The following CDH12 variants were observed in gnomAD, a reference collection of about 807,000 sequenced individuals.
CDH12 encodes the protein cadherin-12.
A neutral mutation model predicts 74.1 loss-of-function variants in CDH12; 41 were observed. That is an observed-to-expected ratio of 0.55 (90% confidence interval 0.43 to 0.72). CDH12 has a LOEUF of 0.72. Among genes scored for constraint, CDH12 ranks in the 30% least tolerant of loss-of-function variants. CDH12 has a pLI of 0.00. For synonymous variants in CDH12, 399 were observed against 355.0 expected (o/e 1.12, Z -1.39); for missense variants, 945 against 977.2 (o/e 0.97, Z 0.44).
At chr5:21,971,717 T>C (rs1346769151) in intron 6 of CDH12, among the ~76,000 whole-genome samples, 1 of 152,168 alleles carries the variant, frequency 6.6e-6, no homozygotes, top group Admixed American at 6.5e-5. Context: ...TAATTTATTG[T>C]TGCTCTAGTG....
chr5:22,461,303 C>A (rs1219538850), intron 2 of CDH12, among the ~76,000 whole-genome samples: 1 of 151,786 alleles, frequency 6.6e-6, no homozygotes, highest in Non-Finnish European at 1.5e-5. Context: ...GGATTGCAGG[C>A]CTGAGGCACC....
At chr5:22,545,614 G>C (rs16896730) in intron 1 of CDH12, among the ~76,000 whole-genome samples, 24,743 of 152,054 alleles carry the variant, frequency 0.16, 2,597 homozygotes, top group East Asian at 0.37. Flanking sequence ...GTAAGCCTAC[G>C]ATCAAAATAA....
chr5:21,833,135 A>C (rs1308700871), intron 8 of CDH12, among the ~76,000 whole-genome samples: 2 of 27,730 alleles, frequency 7.2e-5, no homozygotes, highest in Non-Finnish European at 1.0e-4. Context: ...TTATATTATA[A>C]ATATATATTA....
chr5:22,647,620 A>G (rs1424444249), intron 1 of CDH12, among the ~76,000 whole-genome samples: 1 of 151,692 alleles, frequency 6.6e-6, no homozygotes, highest in African/African-American at 2.4e-5. Flanking sequence ...TTGATCTCAT[A>G]GAATTAGTTT....
chr5:22,403,741 G>A lies in CDH12; in HGVS notation c.-333+1516C>T, dbSNP rs183128694. On this transcript the variant is annotated intron_variant, in intron 3 of 14. Transcript: ENST00000382254. ...CCATTTTCAGCTTTATGAGGTTTTCGGTGCTAGTATAAAATAAGAAACTGA... is the reference window on the plus strand; with the variant it reads ...CCATTTTCAGCTTTATGAGGTTTTCAGTGCTAGTATAAAATAAGAAACTGA... 7.9e-5 allele frequency among the ~76,000 whole-genome samples: 12 copies of A among 152,184 alleles called. No individual in the cohort carries two copies. The East Asian group carries it at 1.7e-3, about 22-fold the overall frequency.
chr5:21,783,570 C>A (rs1746037163), intron 10 of CDH12, 76 bp from the exon 11 acceptor site: 2 of 1,108,832 alleles, frequency 1.8e-6, no homozygotes, highest in African/African-American at 3.1e-5. Flanking sequence ...TAACTTGACA[C>A]AGTTCCTTAT....
chr5:22,630,723 C>T (rs1429307509), intron 1 of CDH12, among the ~76,000 whole-genome samples: 1 of 151,860 alleles, frequency 6.6e-6, no homozygotes, highest in Non-Finnish European at 1.5e-5. Context: ...GGACATAGGC[C>T]CTGTCAAAGA....
Position 21,752,767 on chromosome 5 carries a change from A to T in CDH12, c.1886-531T>A, listed in dbSNP as rs574336673. 5.9e-5 allele frequency among the ~76,000 whole-genome samples: 9 copies of T among 152,014 alleles called. No individual in the cohort carries two copies. The East Asian group carries it at 1.7e-3, about 29-fold the overall frequency. Reference sequence around the variant, plus strand: ...AGAGGAAGGAAGGAAGAAAGGAAAGAAGGAAGGAAGTAGAGGAAGAAAGGA... The same window carrying T: ...AGAGGAAGGAAGGAAGAAAGGAAAGTAGGAAGGAAGTAGAGGAAGAAAGGA... On this transcript the variant is annotated intron_variant, in intron 14 of 14. Coordinates refer to ENST00000382254, the MANE Select transcript of CDH12 (RefSeq NM_004061.5).
intron 1 of CDH12, among the ~76,000 whole-genome samples, chr5:22,779,703 T>C (rs898767102): frequency 6.6e-6 from 1 of 152,154 alleles, no homozygotes; most frequent in Non-Finnish European, 1.5e-5. Flanking sequence ...CTCTTTTACA[T>C]GCGTTCTAAC....
chr5:22,510,817 C>G, intron 1 of CDH12, among the ~76,000 whole-genome samples: 1 of 151,814 alleles, frequency 6.6e-6, no homozygotes, highest in East Asian at 1.9e-4. Flanking sequence ...TTACAGGTTT[C>G]TTTAATTATA....
chr5:22,023,661 G>A (rs1385083823), intron 5 of CDH12, among the ~76,000 whole-genome samples: 2 of 151,878 alleles, frequency 1.3e-5, no homozygotes, highest in Non-Finnish European at 2.9e-5. Context: ...AAGCAGACTG[G>A]TATCAAAGTA....
At chr5:21,772,467 A>G (rs2149884998) in intron 11 of CDH12, among the ~76,000 whole-genome samples, 1 of 152,206 alleles carries the variant, frequency 6.6e-6, no homozygotes, top group East Asian at 1.9e-4. Context: ...AGCTTGATGT[A>G]TGCTATTTCT....
At chr5:22,525,176 G>C (rs936844225) in intron 1 of CDH12, among the ~76,000 whole-genome samples, 171 of 152,156 alleles carry the variant, frequency 1.1e-3, no homozygotes, top group Non-Finnish European at 1.5e-3. Context: ...TCCATGGTGT[G>C]TATGTGCCAC....
At chr5:22,203,688 C>G (rs1364165001) in intron 4 of CDH12, among the ~76,000 whole-genome samples, 1 of 152,184 alleles carries the variant, frequency 6.6e-6, no homozygotes, top group African/African-American at 2.4e-5. Context: ...CCTATAATGA[C>G]TGTACTAGTT....
chr5:22,328,125 G>A (rs183637994), intron 3 of CDH12, among the ~76,000 whole-genome samples: 129 of 152,108 alleles, frequency 8.5e-4, no homozygotes, highest in Admixed American at 2.2e-3. Context: ...AAATCCTCCT[G>A]GGCCACCAAA....
intron 1 of CDH12, among the ~76,000 whole-genome samples, chr5:22,648,451 T>G (rs1329771250): frequency 6.6e-6 from 1 of 151,838 alleles, no homozygotes; most frequent in Non-Finnish European, 1.5e-5. Flanking sequence ...GCAACTTCAC[T>G]CAACCCCAAT....
chr5:21,757,737 T>C (rs560569148), intron 13 of CDH12, among the ~76,000 whole-genome samples: 1 of 152,150 alleles, frequency 6.6e-6, no homozygotes, highest in African/African-American at 2.4e-5. Context: ...TCAGCAAAGA[T>C]ACGTTGTGGA....
intron 1 of CDH12, among the ~76,000 whole-genome samples, chr5:22,723,620 C>G (rs1370486390): frequency 6.6e-6 from 1 of 152,046 alleles, no homozygotes; most frequent in African/African-American, 2.4e-5. Context: ...AATCATCATT[C>G]TAGAAGTCTA....
At chr5:22,485,338 T>C (rs1746545077) in intron 2 of CDH12, among the ~76,000 whole-genome samples, 1 of 152,160 alleles carries the variant, frequency 6.6e-6, no homozygotes. Context: ...CATGCCACCA[T>C]GCCCAGTTAA....
Sources: allele counts gnomAD v4.1 joint callset (sites outside exome capture counted in the v4.1 genomes callset), GRCh38; gene constraint gnomAD v4.1.1; transcripts MANE v1.5; gene names NCBI Gene and HGNC (gene_info 2026-07-23, HGNC 2026-07-21).